Variants in ANK3 observed in about 807,000 individuals in gnomAD.
ANK3 encodes the protein ankyrin 3, also known as ankyrin-3.
In ANK3, 57 loss-of-function variants were observed where a neutral mutation model predicts 370.9. The ratio of observed to expected loss-of-function variants is 0.15; its 90% confidence interval spans 0.12 to 0.19. The LOEUF is 0.19. Among genes scored for constraint, ANK3 ranks in the 10% least tolerant of loss-of-function variants. The pLI is 1.00. For synonymous variants in ANK3, 1,929 were observed against 1,946.3 expected, an observed-to-expected ratio of 0.99 and a Z score of 0.23; for missense variants, 4,439 against 5,302.1, an observed-to-expected ratio of 0.84 and a Z score of 5.06.
intron 1 of ANK3, among the ~76,000 whole-genome samples, chr10:60,291,277 A>T (rs2041319766): frequency 6.6e-6 from 1 of 152,172 alleles, no homozygotes; most frequent in Non-Finnish European, 1.5e-5. Context: ...CTTAGAGGAT[A>T]TAAAATCATA....
chr10:60,421,065 C>T (rs1025481520), intron 2 of ANK3, among the ~76,000 whole-genome samples: 4 of 151,824 alleles, frequency 2.6e-5, no homozygotes, highest in African/African-American at 4.8e-5. Context: ...GAAACTTGAG[C>T]ACATGTTAAG....
At chr10:60,317,883 T>A (rs1163460219) in intron 1 of ANK3, among the ~76,000 whole-genome samples, 2 of 151,964 alleles carry the variant, frequency 1.3e-5, no homozygotes, top group African/African-American at 4.8e-5. Flanking sequence ...CCAGCTAATT[T>A]TTTTTGTATT....
intron 37 of ANK3, 127 bp downstream of exon 37, chr10:60,068,510 G>T: frequency 2.0e-6 from 2 of 1,006,990 alleles, no homozygotes; most frequent in African/African-American, 1.6e-5. Flanking sequence ...CTACGGTTAA[G>T]TCACTCCACA....
At chr10:60,328,441 A>C (rs1399430383) in intron 1 of ANK3, among the ~76,000 whole-genome samples, 1 of 152,224 alleles carries the variant, frequency 6.6e-6, no homozygotes, top group Non-Finnish European at 1.5e-5. Flanking sequence ...ATAATAGAGA[A>C]GTGATTAAAT....
intron 7 of ANK3, among the ~76,000 whole-genome samples, chr10:60,251,301 C>T (rs1267686117): frequency 1.3e-5 from 2 of 152,156 alleles, no homozygotes; most frequent in African/African-American, 4.8e-5. Context: ...GGATGCTAGA[C>T]ACTTTCTGAG....
At chr10:60,635,866 CAAAG>C (rs2078547986) in intron 1 of ANK3, among the ~76,000 whole-genome samples, 2 of 152,084 alleles carry the variant, frequency 1.3e-5, no homozygotes, top group Non-Finnish European at 2.9e-5. Context: ...TAGAAATAGA[CAAAG>C]GCCAGGGATG....
chr10:60,145,300 G>A (rs2094759698), intron 23 of ANK3, among the ~76,000 whole-genome samples: 1 of 152,252 alleles, frequency 6.6e-6, no homozygotes, highest in Non-Finnish European at 1.5e-5. Context: ...GATTTACTAG[G>A]AGTTGATTTC....
rs1420884936 is a variant in ANK3 at position 60,073,152 on chromosome 10, C to T, written c.7729G>A (p.Val2577Met). 1 of 1,614,098 alleles carries T rather than the reference C, an allele frequency of 6.2e-7. No individual in the cohort carries two copies. The highest frequency in any genetic ancestry group is 1.1e-5 in the South Asian group (1 of 91,080). Residue 2577 changes from valine to methionine, a missense_variant, in exon 37 of 44, where the codon GTG becomes ATG. Coordinates refer to ENST00000280772, the MANE Select transcript of ANK3 (RefSeq NM_020987.5). Reference protein sequence around the residue: ...GREKLIYEDRVDRTVKEAEEK... With the variant: ...GREKLIYEDRMDRTVKEAEEK... ...TCAGCCTCCTTCACAGTCCTGTCCA[C>T]CCTATCTTCATATATCAACTTCTCT...
chr10:60,051,561 C>T (rs1303280820), intron 42 of ANK3: 11 of 984,796 alleles, frequency 1.1e-5, no homozygotes, highest in Non-Finnish European at 1.2e-5. Flanking sequence ...TCTTTCAAGT[C>T]CTGACAAATG....
At chr10:60,068,120 A>G in intron 37 of ANK3, 111 bp from the exon 38 acceptor site, 1 of 898,046 alleles carries the variant, frequency 1.1e-6, no homozygotes, top group South Asian at 1.8e-5. Flanking sequence ...AACACTGTAC[A>G]CTGAAATGTG....
intron 1 of ANK3, among the ~76,000 whole-genome samples, chr10:60,690,200 C>T (rs537395200): frequency 6.6e-6 from 1 of 152,204 alleles, no homozygotes; most frequent in African/African-American, 2.4e-5. Flanking sequence ...GCATTTCCAA[C>T]TGAGGCACCT....
intron 1 of ANK3, among the ~76,000 whole-genome samples, chr10:60,720,559 G>A (rs572102030): frequency 6.6e-6 from 1 of 152,092 alleles, no homozygotes; most frequent in Non-Finnish European, 1.5e-5. Context: ...TAACACATTT[G>A]CAAAATCTTA....
intron 1 of ANK3, among the ~76,000 whole-genome samples, chr10:60,324,321 C>A (rs1389131194): frequency 1.3e-5 from 2 of 152,228 alleles, no homozygotes; most frequent in African/African-American, 4.8e-5. Context: ...TTAGTACCAT[C>A]ATTAGCTGAG....
rs560452987 is a variant in ANK3, at chr10:60,126,785, T to C, written c.2841+7486A>G. Among the ~76,000 whole-genome samples, 266 of 152,330 alleles carry C rather than the reference T, an allele frequency of 1.7e-3. 1 individual carries two copies. Among genetic ancestry groups the C allele is most frequent in the African/African-American group, 6.0e-3 (251 of 41,582 alleles). On this transcript the variant is annotated intron_variant, in intron 25 of 43. Coordinates refer to ENST00000280772, the MANE Select transcript of ANK3 (RefSeq NM_020987.5). ...TCTCTTTTGTTAATATTGGATTTAC[T>C]TATTTCTAGAGAGAAAGCATAAAAT...
intron 25 of ANK3, among the ~76,000 whole-genome samples, chr10:60,122,699 TATC>T (rs1282476486): frequency 1.3e-5 from 2 of 152,236 alleles, no homozygotes; most frequent in Admixed American, 6.5e-5. Context: ...GGCATGGAAT[TATC>T]ATAATGTCTC....
intron 1 of ANK3, among the ~76,000 whole-genome samples, chr10:60,322,990 C>T (rs1362529017): frequency 6.6e-6 from 1 of 152,118 alleles, no homozygotes; most frequent in East Asian, 1.9e-4. Context: ...AGCTTGTTAT[C>T]ATTGAGATGC....
intron 2 of ANK3, among the ~76,000 whole-genome samples, chr10:60,500,592 A>C (rs971493230): frequency 6.6e-6 from 1 of 152,180 alleles, no homozygotes; most frequent in African/African-American, 2.4e-5. Context: ...TTTTGAGATA[A>C]CAAAGCCACC....
intron 2 of ANK3, among the ~76,000 whole-genome samples, chr10:60,522,679 T>C (rs1055384470): frequency 5.3e-5 from 8 of 152,088 alleles, no homozygotes; most frequent in African/African-American, 2.4e-5. Context: ...TATCCTCTCC[T>C]AAATGGAGAT....
chr10:60,460,083 C>T (rs543158982), intron 2 of ANK3, among the ~76,000 whole-genome samples: 29 of 142,076 alleles, frequency 2.0e-4, no homozygotes, highest in Admixed American at 9.0e-4. Context: ...CAGCCTAGAA[C>T]ACACCACCAA....
Sources: allele counts gnomAD v4.1 joint callset (sites outside exome capture counted in the v4.1 genomes callset), GRCh38; gene constraint gnomAD v4.1.1; transcripts MANE v1.5; gene names NCBI Gene and HGNC (gene_info 2026-07-23, HGNC 2026-07-21).